Variants in DENND3 observed in about 807,000 individuals in gnomAD.
DENND3 encodes the protein DENN domain containing 3.
Under a neutral mutation model 135.1 loss-of-function variants are expected in DENND3, and 88 were observed. The ratio of observed to expected loss-of-function variants is 0.65; its 90% CI spans 0.55 to 0.78. The LOEUF is 0.78. DENND3 is among the 30% of genes least tolerant of loss of function. DENND3 has a pLI of 0.00. For missense variants in DENND3, 1,392 were observed against 1,688.4 expected, an observed-to-expected ratio of 0.82 and a Z score of 3.08; for synonymous variants, 693 against 712.3, an observed-to-expected ratio of 0.97 and a Z score of 0.43.
chr8:141,144,073 G>T lies in DENND3; in HGVS notation c.624-75G>T. On this transcript the variant is annotated intron_variant, in intron 4 of 22. Coordinates refer to ENST00000519811, the MANE Select transcript of DENND3 (RefSeq NM_001352890.3). The surrounding 1 kb of genome is among the most constrained non-coding windows in gnomAD (Gnocchi z 4.4). ...GCAGACGCTGGGGAGATTCCAGTGTGATTAGAAACGCTAACGATGACAACT... is the reference window on the plus strand; with the variant it reads ...GCAGACGCTGGGGAGATTCCAGTGTTATTAGAAACGCTAACGATGACAACT... 7.8e-7 allele frequency: 1 copy of T among 1,285,122 alleles called. No individual in the cohort carries two copies. The highest frequency in any genetic ancestry group is 1.3e-5 in the South Asian group (1 of 75,744). The allele number at this position is 1,285,122 out of a possible 1,614,324, so 79.6% of individuals were successfully genotyped here.
At position 141,143,738 on chromosome 8, in the gene DENND3, A is replaced by G. The variant is rs528085418; in HGVS notation, c.624-410A>G. Among the ~76,000 whole-genome samples, 30 of 152,284 alleles carry G rather than the reference A, an allele frequency of 2.0e-4. No homozygotes were observed. In the South Asian group the frequency reaches 6.2e-3, roughly 32 times the overall value. On this transcript the variant is annotated intron_variant, in intron 4 of 22. Coordinates refer to ENST00000519811, the MANE Select transcript of DENND3 (RefSeq NM_001352890.3). ...AGTTTTAAATTGTATACAGTACTTT[A>G]AAAGTCAGAGTCCATTTTGGAGACA... is the stretch of plus-strand genomic sequence containing the variant.
Position 141,146,259 on chromosome 8 carries a change from C to T in DENND3, c.735+2000C>T, listed in dbSNP as rs1333654020. On this transcript the variant is annotated intron_variant, in intron 5 of 22. Coordinates refer to ENST00000519811, the MANE Select transcript of DENND3 (RefSeq NM_001352890.3). This position sits in a 1 kb window ranked among gnomAD's most constrained non-coding sequence, Gnocchi z 4.3. ...ATGTAGTGCTGTGTTACTTAATGAA[C>T]AGGCAAACATTTCCCAGGCTGGTTT... Among the ~76,000 whole-genome samples, 1 of 152,150 alleles carries T rather than the reference C, an allele frequency of 6.6e-6. No individual in the cohort carries two copies. The highest frequency in any genetic ancestry group is 1.5e-5 in the Non-Finnish European group (1 of 68,026).
At chr8:141,171,783 T>C (rs1406189615) in intron 13 of DENND3, among the ~76,000 whole-genome samples, 2 of 150,510 alleles carry the variant, frequency 1.3e-5, no homozygotes, top group African/African-American at 4.9e-5. Context: ...GTGTGCAAAG[T>C]AGTGGGTGTG....
At chr8:141,151,475 T>C (rs536708210) in intron 6 of DENND3, 144 bp from the exon 7 acceptor site, 1 of 707,720 alleles carries the variant, frequency 1.4e-6, no homozygotes, top group East Asian at 2.8e-5. Flanking sequence ...GTGGGAGGAT[T>C]GCTTAAGCCC....
chr8:141,160,969 G>A (rs1170159705), intron 9 of DENND3, among the ~76,000 whole-genome samples, 182 bp downstream of exon 9: 2 of 152,250 alleles, frequency 1.3e-5, no homozygotes, highest in African/African-American at 4.8e-5. Context: ...GTTACAGGGA[G>A]TTTGTTCTTT....
intron 22 of DENND3, chr8:141,193,513 A>G (rs145012448): frequency 0.01 from 1,711 of 162,980 alleles, 33 homozygotes; most frequent in African/African-American, 0.038. Flanking sequence ...TGGGCCAGGC[A>G]GAGGTTAGAC....
chr8:141,153,991 GCTGGCA>G (rs896183155), intron 7 of DENND3, among the ~76,000 whole-genome samples: 15 of 152,192 alleles, frequency 9.9e-5, no homozygotes, highest in African/African-American at 3.6e-4. Flanking sequence ...GCAGGAAGGA[GCTGGCA>G]GTGACCCTAT....
At chr8:141,143,039 A>G (rs1817648207) in intron 4 of DENND3, 1 of 152,490 alleles carries the variant, frequency 6.6e-6, no homozygotes, top group African/African-American at 2.4e-5. Context: ...TTTCTTTCTC[A>G]TTGCCCATTG....
intron 3 of DENND3, among the ~76,000 whole-genome samples, chr8:141,140,934 G>A (rs546763420): frequency 1.3e-5 from 2 of 152,306 alleles, no homozygotes; most frequent in African/African-American, 2.4e-5. Flanking sequence ...TGTTCTAATC[G>A]TGTGTTCCTT....
At chr8:141,183,137 A>C (rs1264047110) in intron 17 of DENND3, among the ~76,000 whole-genome samples, 1 of 152,244 alleles carries the variant, frequency 6.6e-6, no homozygotes, top group Non-Finnish European at 1.5e-5. Flanking sequence ...TCTAGGTGAT[A>C]GGGTAGAAGA....
intron 18 of DENND3, 114 bp downstream of exon 18, chr8:141,185,392 G>T: frequency 7.1e-7 from 1 of 1,400,528 alleles, no homozygotes; most frequent in Non-Finnish European, 9.6e-7. Flanking sequence ...GCCTCACTCG[G>T]TTTCTGTAAA....
intron 14 of DENND3, 82 bp from the exon 15 acceptor site, chr8:141,176,509 G>A: frequency 6.4e-7 from 1 of 1,570,206 alleles, no homozygotes; most frequent in South Asian, 1.1e-5. Context: ...CTTCATTCCA[G>A]AGCCCGCTCT....
rs1822154398 is a variant in DENND3, at chr8:141,175,074, T to C, written c.2276-126T>C. ...TCTAGGCAGTTTCCATCCAGCGCCC[T>C]GAGTGCTGGCGCCACCTGCTGCCGG... is the stretch of plus-strand genomic sequence containing the variant. On this transcript the variant is annotated intron_variant, in intron 13 of 22. Transcript: ENST00000519811. The surrounding 1 kb of genome is among the most constrained non-coding windows in gnomAD (Gnocchi z 5.4). The C allele has an allele frequency of 6.1e-6, 7 of 1,142,472 alleles. No homozygotes were observed. The South Asian group carries it at 7.6e-5, about 12-fold the overall frequency. The allele number at this position is 1,142,472 out of a possible 1,614,324, so 70.8% of individuals were successfully genotyped here.
intron 16 of DENND3, among the ~76,000 whole-genome samples, chr8:141,179,326 A>T (rs572808223): frequency 1.3e-5 from 2 of 152,360 alleles, no homozygotes; most frequent in African/African-American, 4.8e-5. Flanking sequence ...GCAAAATCAA[A>T]CAAACCCCCT....
intron 19 of DENND3, among the ~76,000 whole-genome samples, chr8:141,190,049 T>G (rs1259641197): frequency 1.3e-5 from 2 of 152,130 alleles, no homozygotes; most frequent in East Asian, 3.9e-4. Flanking sequence ...GCCGAGTCAG[T>G]TACATTTGAG....
Position 141,138,002 on chromosome 8 carries a change from C to T in DENND3, c.386-20C>T, listed in dbSNP as rs768468244. ...CACTTGGCAAGAACAGGATTCTTCT[C>T]TGTCTCTTTCTGCCTGCAGGGGGTG... On this transcript the variant is annotated intron_variant, in intron 2 of 22. Transcript: ENST00000519811. The surrounding 1 kb of genome is among the most constrained non-coding windows in gnomAD (Gnocchi z 4.8). 1 of 1,573,660 alleles carries T rather than the reference C, an allele frequency of 6.4e-7. No individual in the cohort carries two copies. The highest frequency in any genetic ancestry group is 8.6e-7 in the Non-Finnish European group (1 of 1,157,884).
intron 8 of DENND3, among the ~76,000 whole-genome samples, chr8:141,156,569 C>T (rs1220022890): frequency 6.6e-6 from 1 of 152,026 alleles, no homozygotes; most frequent in Non-Finnish European, 1.5e-5. Context: ...CATTCATTCA[C>T]TCATTCATTC....
At chr8:141,186,635 C>T (rs564948621) in intron 18 of DENND3, among the ~76,000 whole-genome samples, 4 of 152,186 alleles carry the variant, frequency 2.6e-5, no homozygotes, top group African/African-American at 9.7e-5. Flanking sequence ...AGAGTGCACA[C>T]CCCTGATTTA....
At position 141,144,091 on chromosome 8, in the gene DENND3, T is replaced by A; in HGVS notation, c.624-57T>A. ...CCAGTGTGATTAGAAACGCTAACGA[T>A]GACAACTGCGTTCTCATCTTTATTT... On this transcript the variant is annotated intron_variant, in intron 4 of 22. Coordinates refer to ENST00000519811, the MANE Select transcript of DENND3 (RefSeq NM_001352890.3). The surrounding 1 kb of genome is among the most constrained non-coding windows in gnomAD (Gnocchi z 4.4). The A allele has an allele frequency of 6.9e-7, 1 of 1,454,198 alleles. No homozygotes were observed. The highest frequency in any genetic ancestry group is 2.3e-5 in the East Asian group (1 of 42,724). The allele number at this position is 1,454,198 out of a possible 1,614,324, so 90.1% of individuals were successfully genotyped here.
Sources: gnomAD v4.1 joint callset for allele counts (sites outside exome capture counted in the v4.1 genomes callset) on GRCh38, gnomAD v4.1.1 for gene constraint, Gnocchi (gnomAD v3.1) non-coding constraint, MANE v1.5 for transcripts, NCBI Gene and HGNC (gene_info 2026-07-23, HGNC 2026-07-21) for gene names.